The following LMOD2 variants were observed in gnomAD, a reference collection of about 807,000 sequenced individuals.
LMOD2 encodes leiomodin-2.
LMOD2 carries 27 observed loss-of-function variants against 41.7 expected under a neutral mutation model. That is an observed-to-expected ratio of 0.65 (90% confidence interval 0.48 to 0.89). The LOEUF (loss-of-function observed/expected upper bound fraction) is 0.89, where lower values mean the gene tolerates loss of function less well. Among genes scored for constraint, LMOD2 ranks in the 40% least tolerant of loss-of-function variants. LMOD2 has a pLI of 0.00. For missense variants in LMOD2, 624 were observed against 667.9 expected (o/e 0.93, Z 0.72); for synonymous variants, 251 against 244.6 (o/e 1.03, Z -0.25).
At chr7:123,661,746 CT>C (rs960066408) in intron 1 of LMOD2, 113 bp from the exon 2 acceptor site, 4 of 676,786 alleles carry the variant, frequency 5.9e-6, no homozygotes, top group East Asian at 2.8e-5. Context: ...GGATTATTAA[CT>C]TTTTTTATTA....
rs756391087 is a variant in LMOD2, at chr7:123,662,536, A to G, written c.950A>G (p.Glu317Gly). 3.1e-6 allele frequency: 5 copies of G among 1,613,678 alleles called. No individual in the cohort carries two copies. In the African/African-American group the frequency reaches 4.0e-5, roughly 13 times the overall value. ...ATCATGGGCAGCCAGGTGGAAATGGAGATTGTCAAGCTGCTGAAGGAGAAC... is the reference window on the plus strand; with the variant it reads ...ATCATGGGCAGCCAGGTGGAAATGGGGATTGTCAAGCTGCTGAAGGAGAAC... ...RHIMGSQVEM[E>G]IVKLLKENTT... Residue 317 changes from glutamate (E) to glycine (G), a missense_variant, in exon 2 of 3, where the codon GAG becomes GGG. Coordinates refer to ENST00000458573, the MANE Select transcript of LMOD2 (RefSeq NM_207163.3). The surrounding 1 kb of genome is among the most constrained non-coding windows in gnomAD (Gnocchi z 4.0).
chr7:123,662,547 C>T lies in LMOD2; in HGVS notation c.961C>T (p.Leu321=), dbSNP rs369589449. ...CCAGGTGGAAATGGAGATTGTCAAG[C>T]TGCTGAAGGAGAACACGACGCTGCT... ...GSQVEMEIVK[L]LKENTTLLRL... is the part of the protein sequence containing the mutation. The change falls in exon 2 of 3, where the codon CTG becomes TTG. Residue 321 remains leucine (L), a synonymous_variant. Coordinates refer to ENST00000458573, the MANE Select transcript of LMOD2 (RefSeq NM_207163.3). The surrounding 1 kb of genome is among the most constrained non-coding windows in gnomAD (Gnocchi z 4.0). 8 of 1,613,650 alleles carry T rather than the reference C, an allele frequency of 5.0e-6. No homozygotes were observed. Among genetic ancestry groups the T allele is most frequent in the Non-Finnish European group, 6.8e-6 (8 of 1,179,856 alleles).
Position 123,663,015 on chromosome 7 carries a change from CA to C in LMOD2, c.1436del (p.Lys479ArgfsTer15). 6.5e-7 allele frequency: 1 copy of C among 1,546,318 alleles called. No homozygotes were observed. Reference sequence around the variant, plus strand: ...TGCCCAACGGGCATTACAAAATGGACAAAAAAAGAAAAAAGGGAAAAAGGTC... The same window carrying C: ...TGCCCAACGGGCATTACAAAATGGACAAAAAAGAAAAAAGGGAAAAAGGTC... ...ESAQRALQNG[Q>X]KKKKGKKVKK... On this transcript the variant is annotated frameshift_variant, in exon 2 of 3. Transcript: ENST00000458573. LOFTEE classifies it high-confidence loss of function.
At chr7:123,656,762 G>A (rs904115068) in intron 1 of LMOD2, among the ~76,000 whole-genome samples, 3 of 152,154 alleles carry the variant, frequency 2.0e-5, no homozygotes, top group Non-Finnish European at 2.9e-5. Context: ...GAGAGTCACA[G>A]GGCCTTGTTA....
In LMOD2 at chr7:123,663,433, G is replaced by A. The variant is rs1189143664; in HGVS notation, c.1617+230G>A. On this transcript the variant is annotated intron_variant, in intron 2 of 2. Transcript: ENST00000458573. Reference sequence around the variant, plus strand: ...TTTCCCAGCCTCTCAATCATATAAGGGCAAGGACCATTTTCATACACGTCC... The same window carrying A: ...TTTCCCAGCCTCTCAATCATATAAGAGCAAGGACCATTTTCATACACGTCC... 4 of 616,022 alleles carry A rather than the reference G, an allele frequency of 6.5e-6. No homozygotes were observed. The Admixed American group carries it at 9.3e-5, about 14-fold the overall frequency. The allele number at this position is 616,022 out of a possible 1,614,324, so 38.2% of individuals were successfully genotyped here. A position where few individuals can be genotyped will look rare whatever the true frequency, so the allele number is the denominator to read the frequency against.
At chr7:123,656,352 C>T in intron 1 of LMOD2, 116 bp downstream of exon 1, 1 of 1,068,336 alleles carries the variant, frequency 9.4e-7, no homozygotes, top group Non-Finnish European at 1.3e-6. Context: ...TCCTATAACC[C>T]ATTTATACTT....
In LMOD2 at chr7:123,663,750, A is replaced by T. The variant is rs752970301; in HGVS notation, c.*5A>T. The stretch of plus-strand genomic sequence containing the variant: ...GTTCCAGAAGCCCTGCGATAAAAAC[A>T]TGATCTTTAGAAGAGGATGCAGAAC... On this transcript the variant is annotated 3_prime_UTR_variant, in exon 3 of 3. Coordinates refer to ENST00000458573, the MANE Select transcript of LMOD2 (RefSeq NM_207163.3). The T allele has an allele frequency of 1.3e-6, 2 of 1,575,166 alleles. No homozygotes were observed. The highest frequency in any genetic ancestry group is 8.6e-7 in the Non-Finnish European group (1 of 1,158,228).
At chr7:123,663,396 C>T (rs528227574) in intron 2 of LMOD2, 193 bp downstream of exon 2, 92 of 716,030 alleles carry the variant, frequency 1.3e-4, no homozygotes, top group Middle Eastern at 3.9e-4. Flanking sequence ...TTGAGAGGAA[C>T]GCCTGGGCCG....
chr7:123,655,971 C>G lies in LMOD2; in HGVS notation c.8C>G (p.Thr3Ser). Reference sequence around the variant, plus strand: ...TCTGACAAAGCAGGGACCATGTCTACCTTTGGCTACCGAAGAGGACTCAGT... The same window carrying G: ...TCTGACAAAGCAGGGACCATGTCTAGCTTTGGCTACCGAAGAGGACTCAGT... Reference protein sequence around the residue: MSTFGYRRGLSKY... With the variant: MSSFGYRRGLSKY... Residue 3 changes from threonine (T) to serine (S), a missense_variant, in exon 1 of 3, where the codon ACC becomes AGC. Coordinates refer to ENST00000458573, the MANE Select transcript of LMOD2 (RefSeq NM_207163.3). 1 of 1,604,894 alleles carries G rather than the reference C, an allele frequency of 6.2e-7. No homozygotes were observed. The highest frequency in any genetic ancestry group is 8.5e-7 in the Non-Finnish European group (1 of 1,176,590).
In LMOD2 at chr7:123,661,909, G is replaced by A; in HGVS notation, c.323G>A (p.Ser108Asn). The A allele has an allele frequency of 6.5e-7, 1 of 1,549,074 alleles. No individual in the cohort carries two copies. Among genetic ancestry groups the A allele is most frequent in the Non-Finnish European group, 8.7e-7 (1 of 1,146,128 alleles). Residue 108 changes from serine to asparagine, a missense_variant, in exon 2 of 3, where the codon AGT (serine) becomes AAT (asparagine). Physicochemically the swap from Ser to Asn is conservative, Grantham distance 46 (BLOSUM62 1). Coordinates refer to ENST00000458573, the MANE Select transcript of LMOD2 (RefSeq NM_207163.3). ...GAAGAAGAGCTTATCTTTACTGAAA[G>A]TAACAGTGAGGTTTCTGAGGAAGTG... ...ESEEELIFTE[S>N]NSEVSEEVYT...
intron 1 of LMOD2, among the ~76,000 whole-genome samples, chr7:123,659,366 G>A (rs957535555): frequency 8.5e-5 from 13 of 152,128 alleles, no homozygotes; most frequent in African/African-American, 2.7e-4. Context: ...TAAAGTAAGC[G>A]AAGTCTGTTT....
At chr7:123,661,389 T>G (rs1802872647) in intron 1 of LMOD2, among the ~76,000 whole-genome samples, 1 of 152,226 alleles carries the variant, frequency 6.6e-6, no homozygotes, top group Non-Finnish European at 1.5e-5. Context: ...GGAAACTCAT[T>G]AACATATTGT....
chr7:123,662,869 C>T lies in LMOD2; in HGVS notation c.1283C>T (p.Pro428Leu). The T allele has an allele frequency of 7.0e-6, 11 of 1,567,148 alleles. No individual in the cohort carries two copies. Among genetic ancestry groups the T allele is most frequent in the South Asian group, 3.5e-5 (3 of 85,922 alleles). Residue 428 changes from proline (P) to leucine (L), a missense_variant, in exon 2 of 3, where the codon CCT becomes CTT. Coordinates refer to ENST00000458573, the MANE Select transcript of LMOD2 (RefSeq NM_207163.3). The surrounding 1 kb of genome is among the most constrained non-coding windows in gnomAD (Gnocchi z 4.0). ...VATPPPPPPP[P>L]PPPPPSSQRL... ...ACACCTCCTCCTCCTCCCCCTCCTC[C>T]TCCTCCTCCCCCTCCTTCTTCCCAA...
At chr7:123,661,739 T>C in intron 1 of LMOD2, 121 bp from the exon 2 acceptor site, 1 of 627,382 alleles carries the variant, frequency 1.6e-6, no homozygotes, top group East Asian at 2.9e-5. Context: ...AAGCAGAGGA[T>C]TATTAACTTT....
rs747141649 is a variant in LMOD2 at position 123,663,776 on chromosome 7, T to C, written c.*31T>C. On this transcript the variant is annotated 3_prime_UTR_variant, in exon 3 of 3. Transcript: ENST00000458573. ...TGATCTTTAGAAGAGGATGCAGAAC[T>C]GTTCAGTGGTATTACATGAAATGCA... The C allele has an allele frequency of 1.3e-6, 2 of 1,556,486 alleles. No individual in the cohort carries two copies. The highest frequency in any genetic ancestry group is 2.4e-5 in the South Asian group (2 of 84,738).
At chr7:123,663,508 A>T (rs1802925509) in intron 2 of LMOD2, 2 of 608,118 alleles carry the variant, frequency 3.3e-6, no homozygotes, top group African/African-American at 3.7e-5. Flanking sequence ...TTCCAAAAGG[A>T]TTCACCACTT....
intron 1 of LMOD2, 85 bp from the exon 2 acceptor site, chr7:123,661,775 C>A: frequency 1.2e-6 from 1 of 822,500 alleles, no homozygotes; most frequent in Non-Finnish European, 1.9e-6. Context: ...ATGTCACTTG[C>A]CATGTGCTAC....
Position 123,656,117 on chromosome 7 carries a change from C to T in LMOD2, c.154C>T (p.Gln52Ter), listed in dbSNP as rs746802927. The T allele has an allele frequency of 6.2e-7, 1 of 1,610,824 alleles. No individual in the cohort carries two copies. The highest frequency in any genetic ancestry group is 8.5e-7 in the Non-Finnish European group (1 of 1,178,542). Residue 52 changes from glutamine (Q) to a stop codon, truncating the protein, a stop_gained, in exon 1 of 3, where the codon CAA becomes TAA. Transcript: ENST00000458573. LOFTEE classifies it high-confidence loss of function. Reference protein sequence around the residue: ...PDRNLPVGLRQKSLTEKTPTG... With the variant: ...PDRNLPVGLR The stretch of plus-strand genomic sequence containing the variant: ...CCGCAACCTTCCCGTGGGGCTAAGG[C>T]AAAAGAGCCTGACAGAGAAAACCCC...
Position 123,662,050 on chromosome 7 carries a change from G to C in LMOD2, c.464G>C (p.Ser155Thr), listed in dbSNP as rs751048627. 9 of 1,593,818 alleles carry C rather than the reference G, an allele frequency of 5.6e-6. No homozygotes were observed. The highest frequency in any genetic ancestry group is 1.8e-5 in the Admixed American group (1 of 56,476). ...KGINGTVNYD[S>T]VNSDNSKPKI... Reference sequence around the variant, plus strand: ...ATTAATGGAACTGTAAATTATGATAGTGTCAATTCTGACAACTCTAAGCCA... The same window carrying C: ...ATTAATGGAACTGTAAATTATGATACTGTCAATTCTGACAACTCTAAGCCA... The change falls in exon 2 of 3, where the codon AGT (serine) becomes ACT (threonine). Residue 155 changes from serine to threonine, a missense_variant. Ser to Thr is a moderately conservative substitution (Grantham distance 58). Transcript: ENST00000458573. This position sits in a 1 kb window ranked among gnomAD's most constrained non-coding sequence, Gnocchi z 4.0.
Sources: allele counts gnomAD v4.1 joint callset (sites outside exome capture counted in the v4.1 genomes callset), GRCh38; gene constraint gnomAD v4.1.1; non-coding constraint Gnocchi (gnomAD v3.1); transcripts MANE v1.5; gene names NCBI Gene and HGNC (gene_info 2026-07-23, HGNC 2026-07-21).